MBNL2: variants seen among roughly 807,000 people sequenced by gnomAD.
MBNL2 encodes muscleblind like splicing regulator 2, also known as muscleblind-like protein 2.
Under a neutral mutation model 41.9 loss-of-function variants are expected in MBNL2, and 17 were observed. The ratio of observed to expected loss-of-function variants is 0.41; its 90% CI spans 0.28 to 0.61. The LOEUF (loss-of-function observed/expected upper bound fraction) is 0.61. Among genes scored for constraint, MBNL2 ranks in the 20% least tolerant of loss-of-function variants. The pLI is 0.35. For synonymous variants in MBNL2, 195 were observed against 182.9 expected (o/e 1.07, Z -0.53); for missense variants, 336 against 505.6 (o/e 0.66, Z 3.22).
At chr13:97,306,806 T>C (rs1159338030) in intron 2 of MBNL2, among the ~76,000 whole-genome samples, 2 of 152,196 alleles carry the variant, frequency 1.3e-5, no homozygotes, top group African/African-American at 4.8e-5. Flanking sequence ...CCTTTGGACA[T>C]TGGTCTCCTG....
Position 97,376,875 on chromosome 13 carries a change from G to A in MBNL2, c.1048+11704G>A, listed in dbSNP as rs117634941. 5.9e-5 allele frequency among the ~76,000 whole-genome samples: 9 copies of A among 152,330 alleles called. No individual in the cohort carries two copies. The East Asian group carries it at 1.4e-3, about 23-fold the overall frequency. On this transcript the variant is annotated intron_variant, in intron 8 of 8. Coordinates refer to ENST00000679496, the MANE Select transcript of MBNL2 (RefSeq NM_001382683.1). ...CATTATAAATTGGAATAGGAGCCCA[G>A]ATGGGCAAAGTGGCTTACCCAATTC...
At chr13:97,236,473 CTT>C (rs2043294714) in intron 1 of MBNL2, among the ~76,000 whole-genome samples, 1 of 148,924 alleles carries the variant, frequency 6.7e-6, no homozygotes, top group South Asian at 2.1e-4. Context: ...GATGTGTTCA[CTT>C]TGTGAAAATC....
chr13:97,256,307 T>TA lies in MBNL2; in HGVS notation c.-604-19314dup, dbSNP rs568005287. 1.0e-2 allele frequency among the ~76,000 whole-genome samples: 1,434 copies of TA among 143,974 alleles called. 12 individuals are homozygous for TA. The highest frequency in any genetic ancestry group is 0.025 in the African/African-American group (1,005 of 39,596). 94.5% of individuals were successfully genotyped at this position (143,974 alleles called of 152,430 possible). ...TGAATAAAAATTTATTGACTTTAAG[T>TA]AAAAAAAAAAACTGCCAGCTTGGGA... On this transcript the variant is annotated intron_variant, in intron 1 of 8. Transcript: ENST00000679496.
chr13:97,283,982 T>C (rs2053933629), intron 2 of MBNL2, among the ~76,000 whole-genome samples: 1 of 152,182 alleles, frequency 6.6e-6, no homozygotes, highest in Non-Finnish European at 1.5e-5. Context: ...GAAAGCCCTT[T>C]ATCTGGAGAG....
At chr13:97,239,042 C>T (rs1032936281) in intron 1 of MBNL2, among the ~76,000 whole-genome samples, 12 of 152,286 alleles carry the variant, frequency 7.9e-5, no homozygotes, top group African/African-American at 2.4e-4. Context: ...ATAACCGTTT[C>T]GGAGAGGGCT....
chr13:97,354,994 C>G (rs1476440821), intron 5 of MBNL2, among the ~76,000 whole-genome samples: 1 of 152,052 alleles, frequency 6.6e-6, no homozygotes, highest in African/African-American at 2.4e-5. Flanking sequence ...AAAAACAAAA[C>G]AAAAGAAAAC....
At chr13:97,181,069 C>G in the MBNL2 span, among the ~76,000 whole-genome samples, 117,429 of 151,486 alleles carry the variant, frequency 0.78, 45,724 homozygotes, top group African/African-American at 0.84. Flanking sequence ...GCATCTTCAA[C>G]TCAATCTCTC....
intron 2 of MBNL2, among the ~76,000 whole-genome samples, chr13:97,316,726 A>G (rs1228776802): frequency 6.6e-6 from 1 of 152,160 alleles, no homozygotes; most frequent in Non-Finnish European, 1.5e-5. Context: ...GGCCCTGCCT[A>G]TGTAACTAAA....
chr13:97,318,671 G>A (rs2059252665), intron 2 of MBNL2, among the ~76,000 whole-genome samples: 1 of 152,210 alleles, frequency 6.6e-6, no homozygotes, highest in South Asian at 2.1e-4. Context: ...GGACTACCCA[G>A]AGCTTAAGTA....
At chr13:97,307,322 C>T (rs1270397832) in intron 2 of MBNL2, among the ~76,000 whole-genome samples, 1 of 151,844 alleles carries the variant, frequency 6.6e-6, no homozygotes, top group East Asian at 1.9e-4. Context: ...GATTTTTCCA[C>T]TGTGTGTGCC....
At chr13:97,263,804 G>A (rs2152888750) in intron 1 of MBNL2, among the ~76,000 whole-genome samples, 1 of 152,066 alleles carries the variant, frequency 6.6e-6, no homozygotes. Context: ...TTTTAGTAGA[G>A]ACGGGATTTC....
At chr13:97,357,890 G>A (rs1429489098) in intron 7 of MBNL2, among the ~76,000 whole-genome samples, 1 of 152,076 alleles carries the variant, frequency 6.6e-6, no homozygotes, top group Non-Finnish European at 1.5e-5. Flanking sequence ...AGGGCTTTTG[G>A]TTTCTTGTAT....
intron 2 of MBNL2, among the ~76,000 whole-genome samples, chr13:97,322,680 A>G (rs1173469741): frequency 6.6e-6 from 1 of 152,066 alleles, no homozygotes; most frequent in African/African-American, 2.4e-5. Context: ...ATCTTCTTCC[A>G]GTGTTTCTTA....
intron 8 of MBNL2, among the ~76,000 whole-genome samples, chr13:97,368,353 G>A (rs2153127133): frequency 6.6e-6 from 1 of 151,572 alleles, no homozygotes; most frequent in East Asian, 1.9e-4. Flanking sequence ...GGTCGAGGCT[G>A]CAGTGAGCCA....
intron 3 of MBNL2, among the ~76,000 whole-genome samples, chr13:97,336,085 G>C (rs114155636): frequency 6.6e-6 from 1 of 152,124 alleles, no homozygotes; most frequent in African/African-American, 2.4e-5. Flanking sequence ...ACTGGTGGCC[G>C]TGTTAACGAG....
intron 8 of MBNL2, among the ~76,000 whole-genome samples, chr13:97,370,679 A>AC (rs397695137): frequency 1.1e-4 from 17 of 149,848 alleles, no homozygotes; most frequent in African/African-American, 4.3e-4. Context: ...AAAAAAAAAA[A>AC]GAAAGAAAGA....
At chr13:97,242,328 A>C (rs1181585960) in intron 1 of MBNL2, among the ~76,000 whole-genome samples, 1 of 152,208 alleles carries the variant, frequency 6.6e-6, no homozygotes. Flanking sequence ...CTTGGGCTGC[A>C]TTAGGCAACT....
intron 2 of MBNL2, among the ~76,000 whole-genome samples, chr13:97,323,005 G>A (rs1367597567): frequency 6.6e-6 from 1 of 152,192 alleles, no homozygotes; most frequent in Non-Finnish European, 1.5e-5. Context: ...AGGCACTGGA[G>A]TGGCCAGAGA....
the MBNL2 span, among the ~76,000 whole-genome samples, chr13:97,157,568 C>T: frequency 2.8e-5 from 4 of 144,714 alleles, no homozygotes; most frequent in African/African-American, 1.0e-4. Flanking sequence ...AAATATGTCC[C>T]ATCAATACCT....
Sources: allele counts gnomAD v4.1 joint callset (sites outside exome capture counted in the v4.1 genomes callset), GRCh38; gene constraint gnomAD v4.1.1; transcripts MANE v1.5; gene names NCBI Gene and HGNC (gene_info 2026-07-23, HGNC 2026-07-21).